Variants in TTN observed in about 807,000 individuals in gnomAD.
The protein encoded by TTN is connectin.
TTN carries 1,525 observed loss-of-function variants against 3,223.0 expected under a neutral mutation model. The ratio of observed to expected loss-of-function variants is 0.47; its 90% CI spans 0.45 to 0.49. The LOEUF is 0.49. TTN is among the 20% of genes least tolerant of loss of function. The probability of loss-of-function intolerance (pLI) is 0.00; values close to 1 mark genes in which losing one functional copy is unlikely to be tolerated. For synonymous variants in TTN, 14,094 were observed against 15,161.0 expected, an observed-to-expected ratio of 0.93 and a Z score of 5.17; for missense variants, 40,786 against 43,424.0, an observed-to-expected ratio of 0.94 and a Z score of 5.40.
At chr2:178,753,300 C>A in intron 46 of TTN, 120 bp from the exon 47 acceptor site, 1 of 713,334 alleles carries the variant, frequency 1.4e-6, no homozygotes, top group Admixed American at 2.7e-5. Context: ...ACTACATTCC[C>A]CAAATTTACC....
chr2:178,691,521 T>C (rs139974811), intron 121 of TTN, among the ~76,000 whole-genome samples: 40 of 152,320 alleles, frequency 2.6e-4, no homozygotes, highest in African/African-American at 9.4e-4. Flanking sequence ...TTCCCCACTA[T>C]TGAAGACTCG....
chr2:178,527,416 T>C, intron 362 of TTN, 30 bp downstream of exon 362: 1 of 1,601,518 alleles, frequency 6.2e-7, no homozygotes, highest in Non-Finnish European at 8.5e-7. Context: ...ACTTGGCTTG[T>C]CTACCTCTAC....
At chr2:178,675,136 A>G in intron 149 of TTN, 23 bp from the exon 150 acceptor site, 1 of 1,497,804 alleles carries the variant, frequency 6.7e-7, no homozygotes, top group Non-Finnish European at 9.0e-7. Flanking sequence ...TGATTATTTT[A>G]GACACTTAAA....
rs765440640 is a variant in TTN, at chr2:178,726,007, G to C, written c.20315C>G (p.Thr6772Ser). The change falls in exon 70 of 363, where the codon ACC (threonine) becomes AGC (serine). Residue 6772 changes from threonine to serine, a missense_variant. Transcript: ENST00000589042. ...AAGACTGACTTCAGCATTTTTAAGG[G>C]TTTCTACTATAGGAGGGAAGCTGCT... ...VFSSFPPIVETLKNAEVSLEC... is the reference protein window; with the variant it reads ...VFSSFPPIVESLKNAEVSLEC... 7 of 1,582,560 alleles carry C rather than the reference G, an allele frequency of 4.4e-6. No homozygotes were observed. The South Asian group carries it at 8.2e-5, about 18-fold the overall frequency.
At position 178,705,401 on chromosome 2, in the gene TTN, C is replaced by T. The variant is rs767471814; in HGVS notation, c.29421-44G>A. ...GTAAGGATAAAACACCTGTCTTCTA[C>T]TTATTTTTAATTGTCTATCATCATT... On this transcript the variant is annotated intron_variant, in intron 102 of 362. Transcript: ENST00000589042. 14 of 1,385,538 alleles carry T rather than the reference C, an allele frequency of 1.0e-5. 1 individual carries two copies. Among genetic ancestry groups the T allele is most frequent in the Middle Eastern group, 5.1e-4 (2 of 3,950 alleles). 85.8% of individuals were successfully genotyped at this position (1,385,538 alleles called of 1,614,324 possible).
rs770637793 is a variant in TTN, at chr2:178,732,846, G to A, written c.16330C>T (p.Leu5444=). The A allele has an allele frequency of 6.2e-7, 1 of 1,611,186 alleles. No individual in the cohort carries two copies. Among genetic ancestry groups the A allele is most frequent in the East Asian group, 2.2e-5 (1 of 44,728 alleles). ...SVGSKDSSGA[L]IVQEPPSFVT... is the part of the protein sequence containing the mutation. ...GTCTCCAGCCAACCTTGCACAATCA[G>A]GGCTCCACTGCTGTCTTTGCTTCCC... The change falls in exon 55 of 363, where the codon CTG becomes TTG. Residue 5444 remains leucine (L), a synonymous_variant. Coordinates refer to ENST00000589042, the MANE Select transcript of TTN (RefSeq NM_001267550.2).
chr2:178,688,794 A>G lies in TTN; in HGVS notation c.32096-16T>C, dbSNP rs2071543126. On this transcript the variant is annotated splice_polypyrimidine_tract_variant and intron_variant, in intron 125 of 362. Coordinates refer to ENST00000589042, the MANE Select transcript of TTN (RefSeq NM_001267550.2). Reference sequence around the variant, plus strand: ...GAGACTTCAGCTTTAAGAAAGTGTTAAAGTTGAAGTTTAAAATCAAGAATT... The same window carrying G: ...GAGACTTCAGCTTTAAGAAAGTGTTGAAGTTGAAGTTTAAAATCAAGAATT... 3 of 1,569,236 alleles carry G rather than the reference A, an allele frequency of 1.9e-6. No individual in the cohort carries two copies. Among genetic ancestry groups the G allele is most frequent in the Admixed American group, 1.7e-5 (1 of 59,306 alleles).
Position 178,547,141 on chromosome 2 carries a change from G to T in TTN, c.94384C>A (p.Pro31462Thr), listed in dbSNP as rs1311115144. 6.2e-7 allele frequency: 1 copy of T among 1,613,638 alleles called. No individual in the cohort carries two copies. Among genetic ancestry groups the T allele is most frequent in the Non-Finnish European group, 8.5e-7 (1 of 1,179,778 alleles). ...TILWVKENKV[P>T]CLECNYKVTG... ...ACTTTGTAGTTGCACTCTAAGCATG[G>T]CACTTTGTTTTCTTTCACCCAAAGA... The change falls in exon 340 of 363, where the codon CCA (proline) becomes ACA (threonine). Residue 31462 changes from proline (P) to threonine (T), a missense_variant. Transcript: ENST00000589042.
At position 178,735,519 on chromosome 2, in the gene TTN, G is replaced by A; in HGVS notation, c.14927C>T (p.Thr4976Ile). The A allele has an allele frequency of 6.3e-7, 1 of 1,577,360 alleles. No homozygotes were observed. The highest frequency in any genetic ancestry group is 8.6e-7 in the Non-Finnish European group (1 of 1,165,666). The change falls in exon 50 of 363, where the codon ACT becomes ATT. Residue 4976 changes from threonine (T) to isoleucine (I), a missense_variant. Coordinates refer to ENST00000589042, the MANE Select transcript of TTN (RefSeq NM_001267550.2). ...AGSSSCSATV[T>I]VREPPSFVKK... ...ATTCACACGTTTCTTACCTCTGACA[G>A]TGACTGTGGCTGAGCAGGAGCTGCT...
At chr2:178,645,625 A>G in intron 217 of TTN, 1 of 214,752 alleles carries the variant, frequency 4.7e-6, no homozygotes, top group Non-Finnish European at 9.2e-6. Context: ...CTTTGAAATC[A>G]GAAAACTCTT....
chr2:178,724,266 C>T lies in TTN; in HGVS notation c.21109G>A (p.Val7037Ile). 6.2e-7 allele frequency: 1 copy of T among 1,611,808 alleles called. No homozygotes were observed. Among genetic ancestry groups the T allele is most frequent in the Non-Finnish European group, 8.5e-7 (1 of 1,178,614 alleles). ...GKSSCTAVVDVSDRAVPPSFT... is the reference protein window; with the variant it reads ...GKSSCTAVVDISDRAVPPSFT... ...AGAAAACAGCAGAACTAACCTGAAA[C>T]ATCAACCACAGCTGTGCAGCTGCTT... The change falls in exon 72 of 363, where the codon GTT (valine) becomes ATT (isoleucine). Residue 7037 changes from valine to isoleucine, a missense_variant. By Grantham distance (29) the Val-to-Ile change is conservative. Transcript: ENST00000589042.
At position 178,757,764 on chromosome 2, in the gene TTN, C is replaced by T. The variant is rs2087755569; in HGVS notation, c.10456G>A (p.Ala3486Thr). 1 of 1,613,612 alleles carries T rather than the reference C, an allele frequency of 6.2e-7. No individual in the cohort carries two copies. The highest frequency in any genetic ancestry group is 1.7e-5 in the Admixed American group (1 of 59,990). ...GGCTTGGGAATGCCAGAAACCCTCGCATGAAATCTGACTGTCTCCCCGTTG... is the reference window on the plus strand; with the variant it reads ...GGCTTGGGAATGCCAGAAACCCTCGTATGAAATCTGACTGTCTCCCCGTTG... The part of the protein sequence containing the change: ...VHNGETVRFH[A>T]RVSGIPKPEI... The change falls in exon 45 of 363, where the codon GCG becomes ACG. Residue 3486 changes from alanine (A) to threonine (T), a missense_variant. By Grantham distance (58) the Ala-to-Thr change is moderately conservative. Coordinates refer to ENST00000589042, the MANE Select transcript of TTN (RefSeq NM_001267550.2).
rs2079899039 is a variant in TTN at position 178,729,071 on chromosome 2, T to G, written c.18967A>C (p.Ile6323Leu). 3 of 1,612,530 alleles carry G rather than the reference T, an allele frequency of 1.9e-6. No homozygotes were observed. The highest frequency in any genetic ancestry group is 2.7e-5 in the African/African-American group (2 of 74,876). ...STVAGSPPIS[I>L]TWLKDDQILD... ...ATCTGATCATCCTTTAGCCAGGTTA[T>G]AGAAATAGGAGGAGAACCTGCCACG... Residue 6323 changes from isoleucine to leucine, a missense_variant, in exon 65 of 363, where the codon ATA (isoleucine) becomes CTA (leucine). Physicochemically the swap from Ile to Leu is conservative, Grantham distance 5. Transcript: ENST00000589042.
rs879004875 is a variant in TTN, at chr2:178,735,568, A to G, written c.14878T>C (p.Cys4960Arg). The G allele has an allele frequency of 4.3e-6, 7 of 1,611,968 alleles. No individual in the cohort carries two copies. The highest frequency in any genetic ancestry group is 5.9e-6 in the Non-Finnish European group (7 of 1,179,348). ...CTTCCAGCCTCATTTGAAGCTGTACAGACATAGGTTCCTGAATCTTTCAGT... is the reference window on the plus strand; with the variant it reads ...CTTCCAGCCTCATTTGAAGCTGTACGGACATAGGTTCCTGAATCTTTCAGT... ...AKLKDSGTYV[C>R]TASNEAGSSS... The change falls in exon 50 of 363, where the codon TGT (cysteine) becomes CGT (arginine). Residue 4960 changes from cysteine (C) to arginine (R), a missense_variant. Transcript: ENST00000589042.
chr2:178,631,130 G>A lies in TTN; in HGVS notation c.43918C>T (p.Arg14640Cys), dbSNP rs72650088. 2.2e-5 allele frequency: 35 copies of A among 1,613,136 alleles called. No individual in the cohort carries two copies. Among genetic ancestry groups the A allele is most frequent in the Non-Finnish European group, 2.7e-5 (32 of 1,179,592 alleles). ...NAVIKADGKK[R>C]MLILKKALKS... Reference sequence around the variant, plus strand: ...AAGGCTTTCTTTAGGATTAGCATGCGTTTCTTGCCATCTGCCTTAATAACA... The same window carrying A: ...AAGGCTTTCTTTAGGATTAGCATGCATTTCTTGCCATCTGCCTTAATAACA... The change falls in exon 237 of 363, where the codon CGC becomes TGC. Residue 14640 changes from arginine (R) to cysteine (C), a missense_variant. By Grantham distance (180) the Arg-to-Cys change is radical. Coordinates refer to ENST00000589042, the MANE Select transcript of TTN (RefSeq NM_001267550.2).
Position 178,572,572 on chromosome 2 carries a change from T to C in TTN, c.73560A>G (p.Pro24520=). 2 of 1,613,446 alleles carry C rather than the reference T, an allele frequency of 1.2e-6. No individual in the cohort carries two copies. The highest frequency in any genetic ancestry group is 4.5e-5 in the East Asian group (2 of 44,766). ...AFVNVRVLDT[P]GPPQDLKVKE... is the part of the protein sequence containing the mutation. ...TTACCTTCAGATCCTGTGGGGGGCC[T>C]GGTGTATCGAGAACTCTAACATTGA... The change falls in exon 326 of 363, where the codon CCA becomes CCG. Residue 24520 remains proline (P), a synonymous_variant. Transcript: ENST00000589042.
At position 178,561,388 on chromosome 2, in the gene TTN, A is replaced by G; in HGVS notation, c.84744T>C (p.Pro28248=). 6.2e-7 allele frequency: 1 copy of G among 1,613,782 alleles called. No individual in the cohort carries two copies. The highest frequency in any genetic ancestry group is 8.5e-7 in the Non-Finnish European group (1 of 1,179,788). ...GKCSKSCEPV[P]ARDPCDPPGQ... ...CAGGAGGGTCACAAGGATCTCTTGC[A>G]GGGACTGGTTCACAAGATTTACTGC... The change falls in exon 326 of 363, where the codon CCT becomes CCC. Residue 28248 remains proline, a synonymous_variant. Coordinates refer to ENST00000589042, the MANE Select transcript of TTN (RefSeq NM_001267550.2).
At chr2:178,665,025 T>C (rs1193355969) in intron 165 of TTN, 99 bp from the exon 166 acceptor site, 1 of 1,329,984 alleles carries the variant, frequency 7.5e-7, no homozygotes, top group Non-Finnish European at 1.0e-6. Flanking sequence ...TTCTTCTCTT[T>C]CCTCCATCCT....
rs2742327 is a variant in TTN at position 178,722,960 on chromosome 2, T to C, written c.21962-23A>G. 0.25 allele frequency: 406,282 copies of C among 1,598,260 alleles called. 62,956 individuals are homozygous for C. The highest frequency in any genetic ancestry group is 0.65 in the East Asian group (28,977 of 44,642). On this transcript the variant is annotated intron_variant, in intron 75 of 362. Coordinates refer to ENST00000589042, the MANE Select transcript of TTN (RefSeq NM_001267550.2). ...GTTCTAAGGAAGAAAGGCTCACAGT[T>C]AGCAACTGGAATTAATGAATATCAA...
Sources: allele counts gnomAD v4.1 joint callset (sites outside exome capture counted in the v4.1 genomes callset), GRCh38; gene constraint gnomAD v4.1.1; transcripts MANE v1.5; gene names NCBI Gene and HGNC (gene_info 2026-07-23, HGNC 2026-07-21).